The following SRR variants were observed in gnomAD, a reference collection of about 807,000 sequenced individuals.
SRR encodes the protein D-serine ammonia-lyase.
Under a neutral mutation model 32.7 loss-of-function variants are expected in SRR, and 19 were observed. That is an observed-to-expected ratio of 0.58 (90% CI 0.40 to 0.85). The LOEUF (loss-of-function observed/expected upper bound fraction) is 0.85, where lower values mean the gene tolerates loss of function less well. Ranked by LOEUF, SRR falls within the 40% of genes least tolerant of loss-of-function variation. The pLI is 0.00. For missense variants in SRR, 373 were observed against 404.7 expected, an observed-to-expected ratio of 0.92 and a Z score of 0.67; for synonymous variants, 142 against 140.9, an observed-to-expected ratio of 1.01 and a Z score of -0.06.
intron 1 of SRR, among the ~76,000 whole-genome samples, chr17:2,309,515 C>G (rs2075418750): frequency 6.6e-6 from 1 of 152,210 alleles, no homozygotes; most frequent in African/African-American, 2.4e-5. Context: ...TTTATTCACA[C>G]TGTCATTAAC....
intron 1 of SRR, among the ~76,000 whole-genome samples, chr17:2,304,974 C>T (rs1290363837): frequency 6.6e-6 from 1 of 152,138 alleles, no homozygotes; most frequent in African/African-American, 2.4e-5. Context: ...CCCTCCACAG[C>T]CCCATAGGCT....
chr17:2,318,704 T>TCAGCCTCCCAAAGTGC (rs2151434881), intron 3 of SRR, 122 bp from the exon 4 acceptor site: 8 of 580,428 alleles, frequency 1.4e-5, no homozygotes, highest in Non-Finnish European at 2.5e-5. Context: ...TTTCCTGACC[T>TCAGCCTCCCAAAGTGC]TGTGATCCGC....
chr17:2,322,238 C>A (rs2075535800), intron 6 of SRR, among the ~76,000 whole-genome samples: 1 of 151,992 alleles, frequency 6.6e-6, no homozygotes, highest in African/African-American at 2.4e-5. Context: ...CAACTCTCTT[C>A]TTAATCCATG....
intron 1 of SRR, 199 bp from the exon 2 acceptor site, chr17:2,315,358 C>A: frequency 2.1e-6 from 1 of 465,190 alleles, no homozygotes; most frequent in Non-Finnish European, 3.7e-6. Flanking sequence ...CAGTTACTTC[C>A]CTCAAAGCTT....
At chr17:2,323,440 C>G in intron 7 of SRR, 95 bp downstream of exon 7, 1 of 1,426,202 alleles carries the variant, frequency 7.0e-7, no homozygotes, top group Non-Finnish European at 9.8e-7. Flanking sequence ...CCACGGGAAC[C>G]TGACTAGGTA....
chr17:2,316,502 G>C (rs954099564), intron 2 of SRR, among the ~76,000 whole-genome samples: 2 of 152,180 alleles, frequency 1.3e-5, no homozygotes, highest in African/African-American at 2.4e-5. Flanking sequence ...AGCATTCACT[G>C]TATCAACTTG....
chr17:2,315,412 G>T, intron 1 of SRR, 145 bp from the exon 2 acceptor site: 1 of 766,058 alleles, frequency 1.3e-6, no homozygotes, highest in East Asian at 2.9e-5. Flanking sequence ...CTCTCTTTTA[G>T]GGAAATTCTG....
At chr17:2,320,176 G>GT (rs1486865752) in intron 4 of SRR, among the ~76,000 whole-genome samples, 2 of 150,074 alleles carry the variant, frequency 1.3e-5, no homozygotes, top group Non-Finnish European at 3.0e-5. Context: ...ATACACGGTG[G>GT]AAACGAGAGT....
rs753880897 is a variant in SRR at position 2,324,319 on chromosome 17, T to C, written c.*446T>C. On this transcript the variant is annotated 3_prime_UTR_variant, in exon 8 of 8. Transcript: ENST00000344595. ...CTCGTTTATACAGGTTCATCAGTAC[T>C]GTGTCTTGAGATTTTAGCTTCCCAT... 7.0e-6 allele frequency: 11 copies of C among 1,569,126 alleles called. No homozygotes were observed. The South Asian group carries it at 1.3e-4, about 19-fold the overall frequency.
At chr17:2,315,838 A>T in intron 2 of SRR, 110 bp downstream of exon 2, 14 of 1,066,954 alleles carry the variant, frequency 1.3e-5, no homozygotes, top group Non-Finnish European at 1.9e-5. Flanking sequence ...TAATGCCTTT[A>T]TACAGCTGGA....
intron 1 of SRR, among the ~76,000 whole-genome samples, chr17:2,314,582 CA>C (rs35790609): frequency 0.014 from 1,433 of 102,886 alleles, 18 homozygotes; most frequent in African/African-American, 0.03. Context: ...GACTCTGTCT[CA>C]AAAAAAAAAA....
At chr17:2,319,434 G>T (rs1031455129) in intron 4 of SRR, among the ~76,000 whole-genome samples, 16 of 152,202 alleles carry the variant, frequency 1.1e-4, no homozygotes, top group African/African-American at 3.9e-4. Flanking sequence ...GACTACAGGT[G>T]CATGCCACCA....
intron 6 of SRR, 139 bp downstream of exon 6, chr17:2,321,755 C>G: frequency 1.4e-6 from 1 of 728,692 alleles, no homozygotes; most frequent in Non-Finnish European, 2.4e-6. Context: ...GATGAAGGCC[C>G]ATCTCTGCCT....
At chr17:2,303,589 C>T (rs1185918190), upstream of SRR, 1 of 1,372,780 alleles carries the variant, frequency 7.3e-7, no homozygotes, top group Non-Finnish European at 9.4e-7. Context: ...GAGAGGGAGG[C>T]GGGGCGGGCA....
chr17:2,305,452 T>C (rs2075381004), intron 1 of SRR, among the ~76,000 whole-genome samples: 1 of 151,844 alleles, frequency 6.6e-6, no homozygotes, highest in African/African-American at 2.4e-5. Flanking sequence ...AGATAAAAAC[T>C]GAGAGACAAA....
In SRR at chr17:2,304,025, G is replaced by T; in HGVS notation, c.-5+8G>T. On this transcript the variant is annotated splice_region_variant and intron_variant, in intron 1 of 7. Transcript: ENST00000344595. ...CGGCGCCGGTGAGCTGAGGTGAGGCGAGGCCGGGCCGTGCCAGGCCAGGCG... is the reference window on the plus strand; with the variant it reads ...CGGCGCCGGTGAGCTGAGGTGAGGCTAGGCCGGGCCGTGCCAGGCCAGGCG... 3.6e-6 allele frequency: 1 copy of T among 277,104 alleles called. No homozygotes were observed. The highest frequency in any genetic ancestry group is 6.6e-6 in the Non-Finnish European group (1 of 150,476). 17.2% of individuals were successfully genotyped at this position (277,104 alleles called of 1,614,324 possible).
intron 2 of SRR, 55 bp downstream of exon 2, chr17:2,315,783 C>G: frequency 6.6e-7 from 1 of 1,521,892 alleles, no homozygotes; most frequent in Non-Finnish European, 9.0e-7. Context: ...TTTCACATAT[C>G]AGTTTGATTC....
chr17:2,303,709 C>T (rs776599087), upstream of SRR: 2 of 1,493,444 alleles, frequency 1.3e-6, no homozygotes, highest in African/African-American at 1.5e-5. Flanking sequence ...CACGCTCCAG[C>T]CCTTCCGCCA....
intron 6 of SRR, among the ~76,000 whole-genome samples, chr17:2,321,886 T>C (rs924392902): frequency 6.6e-6 from 1 of 152,204 alleles, no homozygotes; most frequent in African/African-American, 2.4e-5. Flanking sequence ...CAAGCGATTC[T>C]CCTGTCTCAG....
Sources: gnomAD v4.1 joint callset for allele counts (sites outside exome capture counted in the v4.1 genomes callset) on GRCh38, gnomAD v4.1.1 for gene constraint, MANE v1.5 for transcripts, NCBI Gene and HGNC (gene_info 2026-07-23, HGNC 2026-07-21) for gene names.